The following PRKN variants were observed in gnomAD, a reference collection of about 807,000 sequenced individuals.
PRKN encodes parkin RBR E3 ubiquitin protein ligase.
PRKN carries 56 observed loss-of-function variants against 59.5 expected under a neutral mutation model. The observed-to-expected ratio is 0.94, with a 90% CI of 0.76 to 1.18. The LOEUF (loss-of-function observed/expected upper bound fraction) is 1.18. Ranked by LOEUF, PRKN falls within the 50% of genes most tolerant of loss-of-function variation. The pLI, the probability that PRKN is intolerant of heterozygous loss-of-function variation, is 0.00. For synonymous variants in PRKN, 250 were observed against 222.1 expected, an observed-to-expected ratio of 1.13 and a Z score of -1.12; for missense variants, 657 against 596.4, an observed-to-expected ratio of 1.10 and a Z score of -1.06.
chr6:162,413,850 C>G, intron 2 of PRKN, among the ~76,000 whole-genome samples: 1 of 152,152 alleles, frequency 6.6e-6, no homozygotes, highest in Non-Finnish European at 1.5e-5. Context: ...CACAGGCAGG[C>G]TGCTATGCTG....
intron 7 of PRKN, among the ~76,000 whole-genome samples, chr6:161,703,835 CTCTCTTTTTTTTTTTTTTTTTTTT>C (rs1398894222): frequency 1.6e-5 from 2 of 126,444 alleles, no homozygotes; most frequent in African/African-American, 3.2e-5. Context: ...CTCTCTCTCT[CTCTCTTTTTTTTTTTTTTTTTTTT>C]TTTTTTTTTT....
chr6:161,731,976 G>A (rs975719627), intron 7 of PRKN, among the ~76,000 whole-genome samples: 6 of 151,916 alleles, frequency 3.9e-5, no homozygotes, highest in African/African-American at 1.5e-4. Context: ...AGATTCAGAA[G>A]TACATGTGCA....
At chr6:162,229,629 C>T (rs1778335245) in intron 3 of PRKN, among the ~76,000 whole-genome samples, 1 of 152,180 alleles carries the variant, frequency 6.6e-6, no homozygotes, top group Non-Finnish European at 1.5e-5. Context: ...TTCCCAGATC[C>T]AGCCACTCTA....
rs13209308 is a variant in PRKN, at chr6:161,446,425, G to C, written c.1084-59548C>G. Among the ~76,000 whole-genome samples, 1 of 151,912 alleles carries C rather than the reference G, an allele frequency of 6.6e-6. No individual in the cohort carries two copies. The highest frequency in any genetic ancestry group is 1.5e-5 in the Non-Finnish European group (1 of 67,970). ...CCTGGCTTGGGACCTATGCAGCTGT[G>C]GGAGGGGAAAGGCCCTCCCCGCTAC... On this transcript the variant is annotated intron_variant, in intron 9 of 11. Transcript: ENST00000366898. This position sits in a 1 kb window ranked among gnomAD's most constrained non-coding sequence, Gnocchi z 6.2.
intron 4 of PRKN, among the ~76,000 whole-genome samples, chr6:162,105,343 C>T (rs1780147192): frequency 6.6e-6 from 1 of 152,132 alleles, no homozygotes; most frequent in African/African-American, 2.4e-5. Context: ...ATGGAACTAA[C>T]AAATAATGCC....
At chr6:161,872,215 G>T (rs887550271) in intron 6 of PRKN, among the ~76,000 whole-genome samples, 2 of 149,286 alleles carry the variant, frequency 1.3e-5, no homozygotes, top group Non-Finnish European at 3.0e-5. Context: ...GTGGGAGGAC[G>T]CAGCAGCTGA....
At chr6:161,513,472 CCTCG>C (rs1778471032) in intron 9 of PRKN, among the ~76,000 whole-genome samples, 3 of 52,320 alleles carry the variant, frequency 5.7e-5, no homozygotes, top group Non-Finnish European at 1.3e-4. Flanking sequence ...GATCTCCTGA[CCTCG>C]TTCGTGATCT....
At chr6:162,426,621 A>G (rs1322632713) in intron 2 of PRKN, among the ~76,000 whole-genome samples, 2 of 151,894 alleles carry the variant, frequency 1.3e-5, no homozygotes, top group Non-Finnish European at 2.9e-5. Flanking sequence ...TAATTTTCAT[A>G]TTTTTTTGTA....
intron 2 of PRKN, among the ~76,000 whole-genome samples, chr6:162,309,588 T>C (rs751197444): frequency 1.3e-5 from 2 of 152,186 alleles, no homozygotes; most frequent in African/African-American, 2.4e-5. Flanking sequence ...CTGATTTCGA[T>C]TGTGCACTGC....
intron 7 of PRKN, among the ~76,000 whole-genome samples, chr6:161,770,550 C>T (rs1789623034): frequency 6.6e-6 from 1 of 152,072 alleles, no homozygotes; most frequent in African/African-American, 2.4e-5. Context: ...TCACTGTAAC[C>T]TCCGCTTCCC....
At chr6:162,399,319 A>G (rs1787642368) in intron 2 of PRKN, among the ~76,000 whole-genome samples, 1 of 152,158 alleles carries the variant, frequency 6.6e-6, no homozygotes, top group African/African-American at 2.4e-5. Context: ...ACTAGACCAA[A>G]TTTGGTTTAG....
At chr6:162,207,974 C>T (rs936148347) in intron 3 of PRKN, among the ~76,000 whole-genome samples, 1 of 152,108 alleles carries the variant, frequency 6.6e-6, no homozygotes, top group African/African-American at 2.4e-5. Context: ...TTCCTACCAA[C>T]CAGACACCCT....
chr6:162,065,407 T>G (rs1029426366), intron 4 of PRKN, among the ~76,000 whole-genome samples: 2 of 152,192 alleles, frequency 1.3e-5, no homozygotes, highest in Non-Finnish European at 2.9e-5. Context: ...TTCTTTGGTT[T>G]GCTTTGTTCT....
At chr6:162,039,225 T>C (rs539109895) in intron 5 of PRKN, among the ~76,000 whole-genome samples, 12 of 152,268 alleles carry the variant, frequency 7.9e-5, no homozygotes, top group Non-Finnish European at 1.3e-4. Context: ...ACTTTAAATA[T>C]AGAAATAATT....
chr6:161,587,316 T>TA (rs1292844408), intron 7 of PRKN, among the ~76,000 whole-genome samples: 1 of 152,164 alleles, frequency 6.6e-6, no homozygotes, highest in East Asian at 1.9e-4. Context: ...TTAAAAGCTA[T>TA]AAAGAAGACG....
chr6:162,365,536 C>A (rs1456819611), intron 2 of PRKN, among the ~76,000 whole-genome samples: 1 of 152,086 alleles, frequency 6.6e-6, no homozygotes, highest in African/African-American at 2.4e-5. Context: ...TCCTCTGGAA[C>A]TTCTTATACC....
intron 3 of PRKN, among the ~76,000 whole-genome samples, chr6:162,228,942 G>C (rs775159048): frequency 6.6e-6 from 1 of 152,106 alleles, no homozygotes; most frequent in Non-Finnish European, 1.5e-5. Flanking sequence ...GCTGCTTTGC[G>C]GTGTTGTATG....
chr6:161,652,534 C>T (rs1349562831), intron 7 of PRKN, among the ~76,000 whole-genome samples: 1 of 152,180 alleles, frequency 6.6e-6, no homozygotes, highest in Non-Finnish European at 1.5e-5. Flanking sequence ...CTAGTTTTAT[C>T]ATTACATTCT....
At chr6:162,300,796 G>A (rs577325207) in intron 2 of PRKN, among the ~76,000 whole-genome samples, 2 of 152,178 alleles carry the variant, frequency 1.3e-5, no homozygotes, top group African/African-American at 2.4e-5. Context: ...CAGATCCATC[G>A]TAACCCACTT....
Sources: allele counts gnomAD v4.1 joint callset (sites outside exome capture counted in the v4.1 genomes callset), GRCh38; gene constraint gnomAD v4.1.1; non-coding constraint Gnocchi (gnomAD v3.1); transcripts MANE v1.5; gene names NCBI Gene and HGNC (gene_info 2026-07-23, HGNC 2026-07-21).